LRMDA: variants seen among roughly 807,000 people sequenced by gnomAD.
LRMDA encodes leucine rich melanocyte differentiation associated.
LRMDA carries 18 observed loss-of-function variants against 29.8 expected under a neutral mutation model. The ratio of observed to expected loss-of-function variants is 0.60; its 90% CI spans 0.42 to 0.90. The LOEUF is 0.90. Among genes scored for constraint, LRMDA ranks in the 40% least tolerant of loss-of-function variants. The pLI is 0.00. For synonymous variants in LRMDA, 125 were observed against 109.4 expected, an observed-to-expected ratio of 1.14 and a Z score of -0.89; for missense variants, 273 against 273.9, an observed-to-expected ratio of 1.00 and a Z score of 0.02.
At chr10:76,056,958 G>A (rs1848626084) in intron 4 of LRMDA, among the ~76,000 whole-genome samples, 1 of 152,166 alleles carries the variant, frequency 6.6e-6, no homozygotes, top group African/African-American at 2.4e-5. Flanking sequence ...TGTATTTGCA[G>A]CAATTGCTCC....
intron 6 of LRMDA, among the ~76,000 whole-genome samples, chr10:76,395,503 T>C (rs1841773210): frequency 6.6e-6 from 1 of 152,206 alleles, no homozygotes; most frequent in Non-Finnish European, 1.5e-5. Context: ...CCACAAACAT[T>C]GTCACCTCAT....
At chr10:75,867,249 G>A (rs770942707) in intron 2 of LRMDA, among the ~76,000 whole-genome samples, 38 of 151,972 alleles carry the variant, frequency 2.5e-4, no homozygotes, top group Non-Finnish European at 4.3e-4. Flanking sequence ...TGCAACCTCC[G>A]CCTCCTAGGT....
intron 2 of LRMDA, among the ~76,000 whole-genome samples, chr10:75,590,900 C>T (rs1246131634): frequency 6.6e-6 from 1 of 151,730 alleles, no homozygotes; most frequent in Non-Finnish European, 1.5e-5. Flanking sequence ...TGTGCACCAC[C>T]ACACCCGGCA....
chr10:76,208,773 A>G (rs921758187), intron 5 of LRMDA, among the ~76,000 whole-genome samples: 8 of 151,912 alleles, frequency 5.3e-5, no homozygotes, highest in Non-Finnish European at 1.2e-4. Flanking sequence ...CACCAATCCC[A>G]TATTTTTCCC....
At chr10:76,268,664 C>T (rs975248394) in intron 5 of LRMDA, among the ~76,000 whole-genome samples, 1 of 152,168 alleles carries the variant, frequency 6.6e-6, no homozygotes, top group Non-Finnish European at 1.5e-5. Context: ...ATGCCATGCC[C>T]TTCAGAACCT....
At chr10:75,831,367 C>T (rs1193797817) in intron 2 of LRMDA, among the ~76,000 whole-genome samples, 2 of 152,180 alleles carry the variant, frequency 1.3e-5, no homozygotes, top group Admixed American at 1.3e-4. Flanking sequence ...AATCTTAAAG[C>T]TCCAAAATGA....
chr10:75,992,198 TCA>T (rs565553874), intron 2 of LRMDA, among the ~76,000 whole-genome samples: 126 of 152,282 alleles, frequency 8.3e-4, no homozygotes, highest in African/African-American at 2.9e-3. Flanking sequence ...TCTCAAAGTC[TCA>T]CAGACTCCAG....
In LRMDA at chr10:76,498,959, G is replaced by A. The variant is rs1211902391; in HGVS notation, c.602-58250G>A. 6.6e-5 allele frequency among the ~76,000 whole-genome samples: 4 copies of A among 60,374 alleles called. 1 individual carries two copies. Among genetic ancestry groups the A allele is most frequent in the African/African-American group, 1.6e-4 (4 of 25,362 alleles). The allele number at this position is 60,374 out of a possible 152,430, so 39.6% of individuals were successfully genotyped here. On this transcript the variant is annotated intron_variant, in intron 6 of 6. Coordinates refer to ENST00000611255, the MANE Select transcript of LRMDA (RefSeq NM_001305581.2). ...AAGCCTTACAAGTTAATGCTGGAAA[G>A]GCCAATGAGAAGAAAAATAAAACAA... is the stretch of plus-strand genomic sequence containing the variant.
At chr10:76,054,697 G>C (rs1848581538) in intron 4 of LRMDA, among the ~76,000 whole-genome samples, 1 of 151,238 alleles carries the variant, frequency 6.6e-6, no homozygotes, top group South Asian at 2.1e-4. Context: ...GTCTTTATTT[G>C]AAAGAGTCTG....
At chr10:75,505,936 T>C (rs906716991) in intron 2 of LRMDA, among the ~76,000 whole-genome samples, 3 of 152,154 alleles carry the variant, frequency 2.0e-5, no homozygotes, top group Admixed American at 6.5e-5. Context: ...CCATATTAAC[T>C]CTCCTCCTCC....
intron 2 of LRMDA, among the ~76,000 whole-genome samples, chr10:75,771,085 G>T (rs953440760): frequency 3.9e-5 from 6 of 152,184 alleles, no homozygotes; most frequent in African/African-American, 1.4e-4. Context: ...ACTGTCCCTG[G>T]GGGTTGGTGT....
At chr10:76,188,935 TACACACACACAC>T (rs3998129) in intron 5 of LRMDA, among the ~76,000 whole-genome samples, 149 of 141,698 alleles carry the variant, frequency 1.1e-3, no homozygotes, top group Admixed American at 2.4e-3. Context: ...TGATTGCATG[TACACACACACAC>T]ACACACACAC....
At chr10:76,260,752 CA>C (rs1839928370) in intron 5 of LRMDA, 3 of 152,110 alleles carry the variant, frequency 2.0e-5, no homozygotes, top group Admixed American at 1.3e-4. Context: ...GGAAAGTTTT[CA>C]GCTATTACTT....
intron 2 of LRMDA, among the ~76,000 whole-genome samples, chr10:75,716,479 A>C (rs1564548086): frequency 6.6e-6 from 1 of 152,230 alleles, no homozygotes; most frequent in Non-Finnish European, 1.5e-5. Flanking sequence ...CTTTTTGTCC[A>C]ATGCATTTGA....
chr10:76,184,027 T>G (rs1851100364), intron 5 of LRMDA, among the ~76,000 whole-genome samples: 3 of 147,616 alleles, frequency 2.0e-5, no homozygotes, highest in South Asian at 4.5e-4. Flanking sequence ...CGGCCCTACT[T>G]TATTTATTTT....
At chr10:75,923,327 T>G (rs1181490380) in intron 2 of LRMDA, among the ~76,000 whole-genome samples, 1 of 152,208 alleles carries the variant, frequency 6.6e-6, no homozygotes, top group Admixed American at 6.5e-5. Context: ...GTCAATGAAG[T>G]CAATGGTTCA....
chr10:76,425,327 G>T (rs905224895), intron 6 of LRMDA, among the ~76,000 whole-genome samples: 2 of 152,016 alleles, frequency 1.3e-5, no homozygotes, highest in South Asian at 4.2e-4. Context: ...AAATAAGAGA[G>T]AATTTAGACA....
chr10:75,601,268 G>A (rs1184413364), intron 2 of LRMDA: 1 of 152,240 alleles, frequency 6.6e-6, no homozygotes, highest in Non-Finnish European at 1.5e-5. Context: ...CTGTTGGTCT[G>A]AGATGCCTCC....
At chr10:75,665,575 G>A (rs777701494) in intron 2 of LRMDA, among the ~76,000 whole-genome samples, 1 of 151,824 alleles carries the variant, frequency 6.6e-6, no homozygotes, top group Non-Finnish European at 1.5e-5. Context: ...AAATCCCAAA[G>A]TTCTGAAAAC....
Sources: allele counts gnomAD v4.1 joint callset (sites outside exome capture counted in the v4.1 genomes callset), GRCh38; gene constraint gnomAD v4.1.1; transcripts MANE v1.5; gene names NCBI Gene and HGNC (gene_info 2026-07-23, HGNC 2026-07-21).